The following PODXL2 variants were observed in gnomAD, a reference collection of about 807,000 sequenced individuals.
PODXL2 encodes the protein podocalyxin-like protein 2.
Under a neutral mutation model 53.4 loss-of-function variants are expected in PODXL2, and 17 were observed. The ratio of observed to expected loss-of-function variants is 0.32; its 90% CI spans 0.22 to 0.48. The LOEUF is 0.48. PODXL2 is among the 20% of genes least tolerant of loss of function. PODXL2 has a pLI of 0.99. For synonymous variants in PODXL2, 311 were observed against 306.7 expected, an observed-to-expected ratio of 1.01 and a Z score of -0.15; for missense variants, 673 against 760.0, an observed-to-expected ratio of 0.89 and a Z score of 1.35.
At chr3:127,641,098 G>T (rs2074616194) in intron 2 of PODXL2, among the ~76,000 whole-genome samples, 2 of 152,098 alleles carry the variant, frequency 1.3e-5, no homozygotes, top group Admixed American at 1.3e-4. Flanking sequence ...TTTTAGTAAA[G>T]ACAGGGTTTC....
intron 2 of PODXL2, among the ~76,000 whole-genome samples, chr3:127,658,866 G>A (rs782426): frequency 1 from 152,162 of 152,296 alleles, 76,015 homozygotes; most frequent in Middle Eastern, 1. Context: ...TCTCCATTTT[G>A]TTGGTTCTAT....
At chr3:127,631,725 T>C (rs1389673187) in intron 1 of PODXL2, among the ~76,000 whole-genome samples, 1 of 152,234 alleles carries the variant, frequency 6.6e-6, no homozygotes, top group Non-Finnish European at 1.5e-5. Flanking sequence ...TGTCATCTTA[T>C]GGTGGGCAAG....
chr3:127,651,271 C>G (rs959268274), intron 2 of PODXL2, among the ~76,000 whole-genome samples: 6 of 152,094 alleles, frequency 3.9e-5, no homozygotes, highest in Non-Finnish European at 8.8e-5. Context: ...TCAAAACAAA[C>G]AAACAAAAAA....
chr3:127,643,913 A>G (rs2074636807), intron 2 of PODXL2, among the ~76,000 whole-genome samples: 1 of 152,174 alleles, frequency 6.6e-6, no homozygotes. Context: ...TGCTGGGATT[A>G]CAGGTGTGAG....
intron 2 of PODXL2, 49 bp downstream of exon 2, chr3:127,639,572 T>C (rs2074601392): frequency 6.6e-7 from 1 of 1,512,884 alleles, no homozygotes; most frequent in Non-Finnish European, 9.0e-7. Context: ...GCCAAGTGTC[T>C]AGGCAAAACA....
intron 6 of PODXL2, among the ~76,000 whole-genome samples, chr3:127,670,690 A>G (rs1425062242): frequency 2.0e-5 from 3 of 152,118 alleles, no homozygotes; most frequent in Non-Finnish European, 4.4e-5. Context: ...AGGCCTCAGC[A>G]CTGGGAACTG....
chr3:127,660,459 C>T lies in PODXL2; in HGVS notation c.431C>T (p.Ser144Phe), dbSNP rs1331713916. The T allele has an allele frequency of 6.2e-7, 1 of 1,614,122 alleles. No individual in the cohort carries two copies. The highest frequency in any genetic ancestry group is 8.5e-7 in the Non-Finnish European group (1 of 1,180,042). ...GCTCAAGAGCTGCCAAACCTCCCCT[C>T]TCCCTTGCCCAAGATGAATCTGGTT... ...SQAQELPNLPSPLPKMNLVEP... is the reference protein window; with the variant it reads ...SQAQELPNLPFPLPKMNLVEP... The change falls in exon 3 of 8, where the codon TCT (serine) becomes TTT (phenylalanine). Residue 144 changes from serine (S) to phenylalanine (F), a missense_variant. Coordinates refer to ENST00000342480, the MANE Select transcript of PODXL2 (RefSeq NM_015720.4).
chr3:127,660,931 G>A lies in PODXL2; in HGVS notation c.903G>A (p.Glu301=), dbSNP rs760544888. 1 of 1,614,240 alleles carries A rather than the reference G, an allele frequency of 6.2e-7. No individual in the cohort carries two copies. The highest frequency in any genetic ancestry group is 1.7e-5 in the Admixed American group (1 of 60,034). The change falls in exon 3 of 8, where the codon GAG becomes GAA. Residue 301 remains glutamate, a synonymous_variant. Transcript: ENST00000342480. ...CAGCTGGTTTGTCTGGCCAGCACGA[G>A]GAGGTGCCGGCCTTGCCTTCATTCC... ...AGAAGLSGQH[E]EVPALPSFPQ...
intron 2 of PODXL2, among the ~76,000 whole-genome samples, chr3:127,653,621 C>T (rs917689586): frequency 6.0e-5 from 9 of 150,644 alleles, no homozygotes; most frequent in Admixed American, 5.3e-4. Context: ...ACTCCAGCCT[C>T]GGTGACAGAG....
chr3:127,631,650 C>G (rs2074547077), intron 1 of PODXL2, among the ~76,000 whole-genome samples: 1 of 152,158 alleles, frequency 6.6e-6, no homozygotes, highest in African/African-American at 2.4e-5. Flanking sequence ...TCAATTAAGG[C>G]AGATTAATTA....
chr3:127,655,373 T>C (rs1438973139), intron 2 of PODXL2, among the ~76,000 whole-genome samples: 3 of 152,000 alleles, frequency 2.0e-5, no homozygotes, highest in African/African-American at 7.2e-5. Context: ...ACCACTACAC[T>C]TCAGCCTGGG....
chr3:127,654,105 G>T (rs920565468), intron 2 of PODXL2, among the ~76,000 whole-genome samples: 4 of 152,140 alleles, frequency 2.6e-5, no homozygotes, highest in African/African-American at 9.7e-5. Context: ...CCACTATCCG[G>T]TCCAGAATCA....
Position 127,671,489 on chromosome 3 carries a change from T to A in PODXL2, c.1481T>A (p.Val494Glu). 6.2e-7 allele frequency: 1 copy of A among 1,613,980 alleles called. No homozygotes were observed. The highest frequency in any genetic ancestry group is 1.1e-5 in the South Asian group (1 of 91,072). Residue 494 changes from valine to glutamate, a missense_variant, in exon 7 of 8, where the codon GTG becomes GAG. Coordinates refer to ENST00000342480, the MANE Select transcript of PODXL2 (RefSeq NM_015720.4). Reference sequence around the variant, plus strand: ...AGCTGCCAGGCGCGGGCCAGCCAGGTGCGCAGCGACTACGGCACGCTCTTC... The same window carrying A: ...AGCTGCCAGGCGCGGGCCAGCCAGGAGCGCAGCGACTACGGCACGCTCTTC... Reference protein sequence around the residue: ...TSSCQARASQVRSDYGTLFVV... With the variant: ...TSSCQARASQERSDYGTLFVV...
intron 3 of PODXL2, 51 bp from the exon 4 acceptor site, chr3:127,662,186 C>T: frequency 6.6e-7 from 1 of 1,519,898 alleles, no homozygotes; most frequent in Non-Finnish European, 9.1e-7. Context: ...CTCCCCTGTC[C>T]CTTTCCTATG....
chr3:127,665,167 A>T (rs2074789248), intron 4 of PODXL2, among the ~76,000 whole-genome samples: 1 of 152,262 alleles, frequency 6.6e-6, no homozygotes, highest in African/African-American at 2.4e-5. Context: ...ATGCCGGGAT[A>T]TAATCCATGG....
intron 2 of PODXL2, among the ~76,000 whole-genome samples, chr3:127,659,881 A>G (rs550710140): frequency 3.3e-5 from 5 of 152,266 alleles, no homozygotes; most frequent in African/African-American, 4.8e-5. Context: ...TTGAGGAACA[A>G]TGGTCATAAT....
chr3:127,669,582 G>A (rs1055996678), intron 6 of PODXL2, among the ~76,000 whole-genome samples: 24 of 152,172 alleles, frequency 1.6e-4, no homozygotes, highest in East Asian at 7.7e-4. Flanking sequence ...TGGGAGGGGC[G>A]AGCATGATGG....
rs1268464494 is a variant in PODXL2, at chr3:127,656,660, G to A, written c.350-3718G>A. 2.7e-5 allele frequency among the ~76,000 whole-genome samples: 4 copies of A among 149,698 alleles called. No homozygotes were observed. The East Asian group carries it at 7.8e-4, about 29-fold the overall frequency. ...TGAGGCAGGAGAATTGCTTGAACCT[G>A]GGAGACAGAGGTTGCAGTGAGCCAA... On this transcript the variant is annotated intron_variant, in intron 2 of 7. Transcript: ENST00000342480.
In PODXL2 at chr3:127,658,802, C is replaced by CAT. The variant is rs916498117; in HGVS notation, c.350-1575_350-1574insTA. Reference sequence around the variant, plus strand: ...ACCTTGATGATACAAGCTTTCATTGCAAAGATTCATGTTGCCAGCTCTGAA... The same window carrying CAT: ...ACCTTGATGATACAAGCTTTCATTGCATAAAGATTCATGTTGCCAGCTCTGAA... On this transcript the variant is annotated intron_variant, in intron 2 of 7. Transcript: ENST00000342480. 1.2e-4 allele frequency among the ~76,000 whole-genome samples: 18 copies of CAT among 148,792 alleles called. No individual in the cohort carries two copies. In the Admixed American group the frequency reaches 1.2e-3, roughly 10 times the overall value.
Sources: allele counts gnomAD v4.1 joint callset (sites outside exome capture counted in the v4.1 genomes callset), GRCh38; gene constraint gnomAD v4.1.1; transcripts MANE v1.5; gene names NCBI Gene and HGNC (gene_info 2026-07-23, HGNC 2026-07-21).